Variants in SLC9C1 observed in about 807,000 individuals in gnomAD.
SLC9C1 encodes solute carrier family 9 member C1.
A neutral mutation model predicts 140.9 loss-of-function variants in SLC9C1; 97 were observed. The observed-to-expected ratio is 0.69, with a 90% CI of 0.58 to 0.82. The LOEUF is 0.82. SLC9C1 is among the 40% of genes least tolerant of loss of function. The pLI is 0.00. For synonymous variants in SLC9C1, 440 were observed against 442.6 expected, an observed-to-expected ratio of 0.99 and a Z score of 0.07; for missense variants, 1,340 against 1,389.3, an observed-to-expected ratio of 0.96 and a Z score of 0.56.
chr3:112,180,502 A>T (rs1489373854), intron 22 of SLC9C1, 62 bp downstream of exon 22: 1 of 1,376,920 alleles, frequency 7.3e-7, no homozygotes, highest in Non-Finnish European at 1.0e-6. Context: ...CAGCTTGGGC[A>T]ACAAGAGAGA....
At chr3:112,180,201 A>C (rs1333134159) in intron 22 of SLC9C1, among the ~76,000 whole-genome samples, 1 of 152,220 alleles carries the variant, frequency 6.6e-6, no homozygotes, top group Non-Finnish European at 1.5e-5. Flanking sequence ...TTTCTTTAAA[A>C]ACTTATGATC....
At chr3:112,142,771 C>T (rs1250329156) in intron 28 of SLC9C1, among the ~76,000 whole-genome samples, 1 of 152,004 alleles carries the variant, frequency 6.6e-6, no homozygotes, top group Non-Finnish European at 1.5e-5. Flanking sequence ...GATACATGTG[C>T]AAGTTTGTTA....
chr3:112,286,614 C>T, intron 2 of SLC9C1, 90 bp downstream of exon 2: 3 of 1,075,134 alleles, frequency 2.8e-6, no homozygotes, highest in Non-Finnish European at 2.6e-6. Context: ...AAATTATATC[C>T]TATTACTTCT....
intron 20 of SLC9C1, among the ~76,000 whole-genome samples, chr3:112,196,078 G>A (rs560216527): frequency 6.6e-6 from 1 of 152,120 alleles, no homozygotes; most frequent in African/African-American, 2.4e-5. Context: ...TTTTAGGGCA[G>A]ATCTAGAGGT....
intron 1 of SLC9C1, among the ~76,000 whole-genome samples, chr3:112,292,599 A>G (rs1365931872): frequency 6.6e-6 from 1 of 152,128 alleles, no homozygotes; most frequent in Non-Finnish European, 1.5e-5. Context: ...GCTGGAGTGC[A>G]GTGGTGCGAT....
chr3:112,178,885 C>T (rs2077388308), intron 23 of SLC9C1, among the ~76,000 whole-genome samples: 1 of 152,006 alleles, frequency 6.6e-6, no homozygotes, highest in African/African-American at 2.4e-5. Context: ...GAATTTTTCC[C>T]AATTAAAAAA....
intron 11 of SLC9C1, among the ~76,000 whole-genome samples, chr3:112,242,819 CA>C (rs2079173286): frequency 6.6e-6 from 1 of 151,552 alleles, no homozygotes; most frequent in African/African-American, 2.4e-5. Context: ...TATGTATCCA[CA>C]AAAATTAAAA....
Position 112,202,249 on chromosome 3 carries a change from C to A in SLC9C1, c.2322+1G>T. 3 of 1,608,102 alleles carry A rather than the reference C, an allele frequency of 1.9e-6. No individual in the cohort carries two copies. Among genetic ancestry groups the A allele is most frequent in the Non-Finnish European group, 2.5e-6 (3 of 1,178,048 alleles). ...TTTCTTAGGATTTAAGGTTTTCTTA[C>A]CTGTTTAATCTGTTTAGAACTTGTA... is the stretch of plus-strand genomic sequence containing the variant. On this transcript the variant is annotated splice_donor_variant, in intron 18 of 28. Coordinates refer to ENST00000305815, the MANE Select transcript of SLC9C1 (RefSeq NM_183061.3). LOFTEE classifies it high-confidence loss of function.
chr3:112,162,150 T>A (rs1425141776), intron 26 of SLC9C1, among the ~76,000 whole-genome samples: 1 of 152,234 alleles, frequency 6.6e-6, no homozygotes, highest in Non-Finnish European at 1.5e-5. Flanking sequence ...AAGTTGCTTA[T>A]GAGCTTAAGG....
In SLC9C1 at chr3:112,204,283, T is replaced by C; in HGVS notation, c.2107A>G (p.Asn703Asp). 1 of 1,553,470 alleles carries C rather than the reference T, an allele frequency of 6.4e-7. No homozygotes were observed. The highest frequency in any genetic ancestry group is 8.6e-7 in the Non-Finnish European group (1 of 1,158,738). ...ATAAAGACTATTACTTCAGTCTCATTAAAAATATACTTAATGGTGTCTATT... is the reference window on the plus strand; with the variant it reads ...ATAAAGACTATTACTTCAGTCTCATCAAAAATATACTTAATGGTGTCTATT... The part of the protein sequence containing the change: ...IEIDTIKYIF[N>D]ETEVIVFIKV... Residue 703 changes from asparagine (N) to aspartate (D), a missense_variant, in exon 17 of 29, where the codon AAT becomes GAT. Coordinates refer to ENST00000305815, the MANE Select transcript of SLC9C1 (RefSeq NM_183061.3).
intron 10 of SLC9C1, among the ~76,000 whole-genome samples, chr3:112,250,849 A>T (rs2079435216): frequency 6.6e-6 from 1 of 152,174 alleles, no homozygotes; most frequent in African/African-American, 2.4e-5. Context: ...TTCTCAAAGA[A>T]CTTGGAACTA....
chr3:112,177,337 C>T lies in SLC9C1; in HGVS notation c.2919+2194G>A, dbSNP rs971326153. Among the ~76,000 whole-genome samples the T allele has an allele frequency of 3.3e-5, 5 of 152,042 alleles. No homozygotes were observed. The East Asian group carries it at 9.7e-4, about 30-fold the overall frequency. ...CCTGGTATCTCTCTTCCTTTCTTAA[C>T]AATCTGGTAAATCTAGTTGTGTCTC... is the stretch of plus-strand genomic sequence containing the variant. On this transcript the variant is annotated intron_variant, in intron 23 of 28. Transcript: ENST00000305815.
chr3:112,165,683 G>T (rs929192643), intron 26 of SLC9C1, among the ~76,000 whole-genome samples: 1 of 152,198 alleles, frequency 6.6e-6, no homozygotes, highest in Non-Finnish European at 1.5e-5. Flanking sequence ...TGTCCCTACT[G>T]GGGGGTGCCT....
At chr3:112,277,592 G>T in intron 5 of SLC9C1, 103 bp downstream of exon 5, 3 of 1,028,782 alleles carry the variant, frequency 2.9e-6, no homozygotes, top group South Asian at 2.5e-5. Context: ...CTCACTACCT[G>T]ACTTCTCACA....
At chr3:112,214,273 A>G (rs1234461359) in intron 15 of SLC9C1, among the ~76,000 whole-genome samples, 1 of 152,230 alleles carries the variant, frequency 6.6e-6, no homozygotes, top group African/African-American at 2.4e-5. Context: ...TCTATAATTG[A>G]CACCCTAACA....
intron 27 of SLC9C1, among the ~76,000 whole-genome samples, chr3:112,153,670 C>G (rs893930083): frequency 6.6e-6 from 1 of 152,064 alleles, no homozygotes; most frequent in Non-Finnish European, 1.5e-5. Context: ...TTTCTTTGAT[C>G]TCTACAGAGG....
chr3:112,185,906 G>T (rs974608718), intron 20 of SLC9C1: 2 of 1,579,220 alleles, frequency 1.3e-6, no homozygotes, highest in African/African-American at 1.3e-5. Context: ...CCACCACCAC[G>T]TACCGCCCCG....
chr3:112,172,544 T>C (rs756623307), intron 23 of SLC9C1, among the ~76,000 whole-genome samples: 1 of 152,104 alleles, frequency 6.6e-6, no homozygotes, highest in Admixed American at 6.5e-5. Context: ...TTTACTTCTT[T>C]TTCTAGCCCT....
At chr3:112,227,465 C>T (rs1281470078) in intron 13 of SLC9C1, among the ~76,000 whole-genome samples, 1 of 152,064 alleles carries the variant, frequency 6.6e-6, no homozygotes, top group African/African-American at 2.4e-5. Flanking sequence ...TAAGACATCA[C>T]ATTAACAGAA....
Sources: allele counts gnomAD v4.1 joint callset (sites outside exome capture counted in the v4.1 genomes callset), GRCh38; gene constraint gnomAD v4.1.1; transcripts MANE v1.5; gene names NCBI Gene and HGNC (gene_info 2026-07-23, HGNC 2026-07-21).